PTPDC1: variants seen among roughly 807,000 people sequenced by gnomAD.
The protein encoded by PTPDC1 is protein tyrosine phosphatase domain containing 1, also known as protein tyrosine phosphatase domain-containing protein 1.
PTPDC1 carries 53 observed loss-of-function variants against 75.3 expected under a neutral mutation model. The observed-to-expected ratio is 0.70, with a 90% CI of 0.56 to 0.88. The LOEUF (loss-of-function observed/expected upper bound fraction) is 0.88. Among genes scored for constraint, PTPDC1 ranks in the 40% least tolerant of loss-of-function variants. The pLI is 0.00. For synonymous variants in PTPDC1, 349 were observed against 366.2 expected, an observed-to-expected ratio of 0.95 and a Z score of 0.54; for missense variants, 925 against 998.6, an observed-to-expected ratio of 0.93 and a Z score of 0.99.
upstream of PTPDC1, among the ~76,000 whole-genome samples, chr9:94,080,988 C>CT (rs1254750314): frequency 0.35 from 43,538 of 123,778 alleles, 7,923 homozygotes; most frequent in African/African-American, 0.45. Context: ...TTTTCTTTTT[C>CT]TTTTTCTTTT....
intron 6 of PTPDC1, 178 bp downstream of exon 6, chr9:94,098,757 G>C: frequency 1.6e-6 from 1 of 633,154 alleles, no homozygotes; most frequent in South Asian, 2.0e-5. Flanking sequence ...AAAAAACACA[G>C]GGTGTTTGTA....
rs778339920 is a variant in PTPDC1 at position 94,097,483 on chromosome 9, C to G, written c.917C>G (p.Ser306Cys). ...CTAACTCCTCTCCGCAATATATTCTCTTGCTGTGATCCCAAAGCACATGCT... is the reference window on the plus strand; with the variant it reads ...CTAACTCCTCTCCGCAATATATTCTGTTGCTGTGATCCCAAAGCACATGCT... ...QFLTPLRNIFSCCDPKAHAVT... is the reference protein window; with the variant it reads ...QFLTPLRNIFCCCDPKAHAVT... The change falls in exon 6 of 9, where the codon TCT becomes TGT. Residue 306 changes from serine to cysteine, a missense_variant. By Grantham distance (112) the Ser-to-Cys change is moderately radical (BLOSUM62 -1). Transcript: ENST00000620992. 4 of 1,614,186 alleles carry G rather than the reference C, an allele frequency of 2.5e-6. No homozygotes were observed.
chr9:94,087,823 A>G lies in PTPDC1; in HGVS notation c.417-8A>G. 1.2e-6 allele frequency: 2 copies of G among 1,609,664 alleles called. No homozygotes were observed. The highest frequency in any genetic ancestry group is 1.1e-5 in the South Asian group (1 of 90,880). ...GCACATCTCACCAGTCCCTCCACCT[A>G]TTTGCAGGGTCACTGATAATATACT... On this transcript the variant is annotated splice_region_variant and splice_polypyrimidine_tract_variant and intron_variant, in intron 2 of 8. Transcript: ENST00000620992.
At chr9:94,074,485 G>C (rs915898733) in intron 2 of PTPDC1, among the ~76,000 whole-genome samples, 1 of 152,146 alleles carries the variant, frequency 6.6e-6, no homozygotes, top group African/African-American at 2.4e-5. Context: ...TCTGCAAGGT[G>C]TGACTGAAGC....
At chr9:94,042,993 C>T (rs1825475016) in intron 1 of PTPDC1, among the ~76,000 whole-genome samples, 1 of 152,158 alleles carries the variant, frequency 6.6e-6, no homozygotes, top group Non-Finnish European at 1.5e-5. Context: ...CATGAAATTG[C>T]AGCAATTTAG....
chr9:94,098,660 T>G (rs773351833), intron 6 of PTPDC1, 81 bp downstream of exon 6: 2 of 1,179,476 alleles, frequency 1.7e-6, no homozygotes, highest in East Asian at 4.9e-5. Context: ...TTTCCCAAAC[T>G]TATTTATTAT....
At chr9:94,062,130 C>T (rs1179895079) in intron 1 of PTPDC1, among the ~76,000 whole-genome samples, 2 of 152,212 alleles carry the variant, frequency 1.3e-5, no homozygotes, top group Non-Finnish European at 2.9e-5. Flanking sequence ...TTAGAAATTT[C>T]TTCCACTAGA....
chr9:94,104,798 C>G (rs2118102765), intron 8 of PTPDC1, among the ~76,000 whole-genome samples: 1 of 152,260 alleles, frequency 6.6e-6, no homozygotes, highest in South Asian at 2.1e-4. Context: ...TAATTCAGTA[C>G]TGAGTCCTGG....
intron 1 of PTPDC1, among the ~76,000 whole-genome samples, chr9:94,056,835 A>G (rs1250590220): frequency 6.6e-6 from 1 of 152,186 alleles, no homozygotes; most frequent in East Asian, 1.9e-4. Context: ...AGTACTAATT[A>G]GTGAGTGTGT....
intron 1 of PTPDC1, chr9:94,031,151 G>C (rs1448624306): frequency 6.6e-6 from 1 of 152,220 alleles, no homozygotes; most frequent in Non-Finnish European, 1.5e-5. Context: ...AGCTAGTTTA[G>C]CCGCACACTC....
chr9:94,038,394 G>A (rs1825336547), intron 1 of PTPDC1: 2 of 431,780 alleles, frequency 4.6e-6, no homozygotes, highest in South Asian at 2.6e-5. Flanking sequence ...ACTTTTTTAT[G>A]TGTACCATAC....
chr9:94,074,095 AT>A (rs1826598888), intron 2 of PTPDC1, among the ~76,000 whole-genome samples: 1 of 152,182 alleles, frequency 6.6e-6, no homozygotes, highest in Admixed American at 6.5e-5. Flanking sequence ...GATTTTCCTC[AT>A]TCTTGGTATG....
At chr9:94,041,901 C>T (rs1490543164) in intron 1 of PTPDC1, among the ~76,000 whole-genome samples, 1 of 152,138 alleles carries the variant, frequency 6.6e-6, no homozygotes, top group Non-Finnish European at 1.5e-5. Flanking sequence ...AGTGTCATTG[C>T]TTTTAGGCCG....
At chr9:94,054,339 G>A (rs1341832611) in intron 1 of PTPDC1, among the ~76,000 whole-genome samples, 1 of 152,090 alleles carries the variant, frequency 6.6e-6, no homozygotes, top group East Asian at 1.9e-4. Context: ...CTTACATATT[G>A]GGGACAGAAT....
intron 1 of PTPDC1, among the ~76,000 whole-genome samples, chr9:94,063,438 G>A (rs907267646): frequency 4.6e-5 from 7 of 151,956 alleles, no homozygotes; most frequent in Admixed American, 6.6e-5. Flanking sequence ...TTTATGTAAC[G>A]TTCATTTGAA....
chr9:94,045,131 A>G (rs1825553497), intron 1 of PTPDC1, among the ~76,000 whole-genome samples: 1 of 150,646 alleles, frequency 6.6e-6, no homozygotes, highest in African/African-American at 2.4e-5. Flanking sequence ...GCTGAGAATG[A>G]TGGTTTCCAT....
Position 94,070,968 on chromosome 9 carries a change from G to A in PTPDC1, c.82+6147G>A, listed in dbSNP as rs544763852. Among the ~76,000 whole-genome samples, 3 of 152,278 alleles carry A rather than the reference G, an allele frequency of 2.0e-5. 1 individual carries two copies. Among genetic ancestry groups the A allele is most frequent in the South Asian group, 4.1e-4 (2 of 4,824 alleles). ...TGGGGCTATTATGAATAAAGCTGCT[G>A]TAAACATTCATGTACAGATTTTTGT... On this transcript the variant is annotated intron_variant, in intron 2 of 9. Coordinates refer to the PTPDC1 transcript ENST00000375360.
chr9:94,089,038 G>C (rs1827179741), intron 4 of PTPDC1, among the ~76,000 whole-genome samples: 2 of 147,592 alleles, frequency 1.4e-5, no homozygotes, highest in East Asian at 4.0e-4. Context: ...TGCAGGAAAT[G>C]TCTTTTTTTT....
chr9:94,084,024 A>G (rs2117965421), upstream of PTPDC1, among the ~76,000 whole-genome samples: 1 of 152,372 alleles, frequency 6.6e-6, no homozygotes, highest in Non-Finnish European at 1.5e-5. Context: ...TAAGGTGTCC[A>G]GCATATCCCA....
Sources: allele counts gnomAD v4.1 joint callset (sites outside exome capture counted in the v4.1 genomes callset), GRCh38; gene constraint gnomAD v4.1.1; transcripts MANE v1.5; gene names NCBI Gene and HGNC (gene_info 2026-07-23, HGNC 2026-07-21).